The following ZC2HC1A variants were observed in gnomAD, a reference collection of about 807,000 sequenced individuals.
ZC2HC1A encodes the protein zinc finger C2HC-type containing 1A, also known as zinc finger C2HC domain-containing protein 1A.
Under a neutral mutation model 40.7 loss-of-function variants are expected in ZC2HC1A, and 28 were observed. That is an observed-to-expected ratio of 0.69 (90% CI 0.51 to 0.94). ZC2HC1A has a LOEUF of 0.94. Ranked by LOEUF, ZC2HC1A falls within the 40% of genes least tolerant of loss-of-function variation. The pLI is 0.00. For synonymous variants in ZC2HC1A, 129 were observed against 129.2 expected (o/e 1.00, Z 0.01); for missense variants, 389 against 386.3 (o/e 1.01, Z -0.06).
intron 7 of ZC2HC1A, among the ~76,000 whole-genome samples, chr8:78,701,891 T>C (rs1406329616): frequency 6.6e-6 from 1 of 151,910 alleles, no homozygotes; most frequent in Non-Finnish European, 1.5e-5. Context: ...TTTGATTTGC[T>C]AGTATTTTGT....
In ZC2HC1A at chr8:78,715,256, G is replaced by A; in HGVS notation, c.740G>A (p.Ser247Asn). 1.2e-6 allele frequency: 2 copies of A among 1,613,796 alleles called. No individual in the cohort carries two copies. Among genetic ancestry groups the A allele is most frequent in the Non-Finnish European group, 1.7e-6 (2 of 1,179,884 alleles). Reference sequence around the variant, plus strand: ...AAACCCCGAAATTCCACACCACCTAGTTTGGCAAGAAATCCTGCCCCAGGT... The same window carrying A: ...AAACCCCGAAATTCCACACCACCTAATTTGGCAAGAAATCCTGCCCCAGGT... Reference protein sequence around the residue: ...NVKPRNSTPPSLARNPAPGVL... With the variant: ...NVKPRNSTPPNLARNPAPGVL... The change falls in exon 8 of 9, where the codon AGT becomes AAT. Residue 247 changes from serine (S) to asparagine (N), a missense_variant. Coordinates refer to ENST00000263849, the MANE Select transcript of ZC2HC1A (RefSeq NM_016010.3).
At chr8:78,687,516 T>C (rs1446916269) in intron 4 of ZC2HC1A, among the ~76,000 whole-genome samples, 1 of 144,100 alleles carries the variant, frequency 6.9e-6, no homozygotes, top group Non-Finnish European at 1.5e-5. Flanking sequence ...TTATATATAT[T>C]TATATAATAA....
chr8:78,666,185 G>A lies in ZC2HC1A; in HGVS notation c.16+21G>A, dbSNP rs751775879. 3 of 1,572,516 alleles carry A rather than the reference G, an allele frequency of 1.9e-6. No individual in the cohort carries two copies. In the East Asian group the frequency reaches 6.9e-5, roughly 36 times the overall value. The stretch of plus-strand genomic sequence containing the variant: ...GGAAGGTGAGGCGATGAAGGGATGA[G>A]GGCAGGACGGCTAGAGCGGGCCCGA... On this transcript the variant is annotated intron_variant, in intron 1 of 8. Coordinates refer to ENST00000263849, the MANE Select transcript of ZC2HC1A (RefSeq NM_016010.3).
chr8:78,667,504 C>T (rs899012201), intron 1 of ZC2HC1A, among the ~76,000 whole-genome samples: 5 of 151,958 alleles, frequency 3.3e-5, no homozygotes, highest in African/African-American at 1.2e-4. Context: ...TACATATTAT[C>T]TATAAAGTGT....
At chr8:78,675,760 T>G in intron 1 of ZC2HC1A, 27 bp from the exon 2 acceptor site, 1 of 1,549,872 alleles carries the variant, frequency 6.5e-7, no homozygotes, top group Non-Finnish European at 8.8e-7. Context: ...TTATATAAAT[T>G]ATTTATTAAA....
intron 2 of ZC2HC1A, 94 bp downstream of exon 2, chr8:78,675,957 A>G: frequency 9.1e-7 from 1 of 1,101,734 alleles, no homozygotes. Context: ...TACGTGGAAT[A>G]GTTTTTGAAG....
intron 1 of ZC2HC1A, among the ~76,000 whole-genome samples, chr8:78,670,077 C>T (rs1809401350): frequency 6.6e-6 from 1 of 151,082 alleles, no homozygotes; most frequent in African/African-American, 2.4e-5. Flanking sequence ...AAGCGATTCT[C>T]CTCCCTCAGC....
intron 1 of ZC2HC1A, among the ~76,000 whole-genome samples, chr8:78,669,552 T>C (rs916852074): frequency 2.0e-5 from 3 of 152,170 alleles, no homozygotes; most frequent in Admixed American, 6.5e-5. Flanking sequence ...TGAAAGAGAT[T>C]TGTCAGCAGT....
chr8:78,670,321 G>A (rs1322553150), intron 1 of ZC2HC1A, among the ~76,000 whole-genome samples: 2 of 152,144 alleles, frequency 1.3e-5, no homozygotes, highest in African/African-American at 4.8e-5. Flanking sequence ...CTGCAGTTCA[G>A]ACAGTGAGTG....
At chr8:78,666,316 A>G (rs1288409934) in intron 1 of ZC2HC1A, 152 bp downstream of exon 1, 104 of 1,310,874 alleles carry the variant, frequency 7.9e-5, no homozygotes, top group Non-Finnish European at 1.1e-4. Flanking sequence ...GCCGAAGGGA[A>G]CCGGACAGTC....
chr8:78,697,467 C>G lies in ZC2HC1A; in HGVS notation c.565C>G (p.Arg189Gly), dbSNP rs1810462139. ...TGGAACTGCATCATCAGGATCTTCACGATTACCGCAGCCAAGTGGCGCTGG... is the reference window on the plus strand; with the variant it reads ...TGGAACTGCATCATCAGGATCTTCAGGATTACCGCAGCCAAGTGGCGCTGG... Reference protein sequence around the residue: ...SPGTASSGSSRLPQPSGAGKT... With the variant: ...SPGTASSGSSGLPQPSGAGKT... The change falls in exon 6 of 9, where the codon CGA becomes GGA. Residue 189 changes from arginine to glycine, a missense_variant. By Grantham distance (125) the Arg-to-Gly change is moderately radical. Coordinates refer to ENST00000263849, the MANE Select transcript of ZC2HC1A (RefSeq NM_016010.3). The G allele has an allele frequency of 6.2e-7, 1 of 1,610,230 alleles. No individual in the cohort carries two copies. Among genetic ancestry groups the G allele is most frequent in the Non-Finnish European group, 8.5e-7 (1 of 1,179,108 alleles).
intron 7 of ZC2HC1A, among the ~76,000 whole-genome samples, chr8:78,708,672 C>CTTTTTTTTTTTTTTT (rs66697724): frequency 7.0e-6 from 1 of 142,574 alleles, no homozygotes; most frequent in African/African-American, 2.6e-5. Context: ...AGATGATTAT[C>CTTTTTTTTTTTTTTT]TTTTTTTTTT....
intron 1 of ZC2HC1A, among the ~76,000 whole-genome samples, chr8:78,672,394 A>G (rs866612783): frequency 1.4e-4 from 22 of 152,260 alleles, no homozygotes; most frequent in African/African-American, 5.1e-4. Flanking sequence ...TAAAATAACA[A>G]TTCAAATAAT....
At chr8:78,676,983 A>G (rs1209707755) in intron 2 of ZC2HC1A, among the ~76,000 whole-genome samples, 1 of 152,078 alleles carries the variant, frequency 6.6e-6, no homozygotes, top group African/African-American at 2.4e-5. Flanking sequence ...GTCATCTGCT[A>G]TCCTCATTTT....
At chr8:78,711,081 C>T (rs1188667796) in intron 7 of ZC2HC1A, among the ~76,000 whole-genome samples, 2 of 152,032 alleles carry the variant, frequency 1.3e-5, no homozygotes, top group Non-Finnish European at 2.9e-5. Flanking sequence ...AATAGATGCT[C>T]AGGGTTTATA....
At position 78,686,522 on chromosome 8, in the gene ZC2HC1A, C is replaced by G; in HGVS notation, c.266C>G (p.Ala89Gly). ...NWRRKHEEFI[A>G]TIRAAKGLDQ... ...AGAAGGAAACATGAAGAATTCATTG[C>G]TACCATAAGAGCAGCTAAAGGCCTT... Residue 89 changes from alanine to glycine, a missense_variant, in exon 4 of 9, where the codon GCT (alanine) becomes GGT (glycine). By Grantham distance (60) the Ala-to-Gly change is moderately conservative (BLOSUM62 0). Transcript: ENST00000263849. 1.3e-6 allele frequency: 2 copies of G among 1,550,830 alleles called. No homozygotes were observed. Among genetic ancestry groups the G allele is most frequent in the Non-Finnish European group, 1.7e-6 (2 of 1,147,716 alleles).
At chr8:78,706,816 A>G (rs1398315297) in intron 7 of ZC2HC1A, among the ~76,000 whole-genome samples, 1 of 152,122 alleles carries the variant, frequency 6.6e-6, no homozygotes, top group African/African-American at 2.4e-5. Flanking sequence ...TTTGCTTCTC[A>G]ATTCAGACTA....
Position 78,718,092 on chromosome 8 carries a change from C to G in ZC2HC1A, c.*599C>G, listed in dbSNP as rs951970344. The G allele has an allele frequency of 6.6e-6, 1 of 151,954 alleles. No individual in the cohort carries two copies. The highest frequency in any genetic ancestry group is 2.4e-5 in the African/African-American group (1 of 41,418). The allele number at this position is 151,954 out of a possible 1,614,324, so 9.4% of individuals were successfully genotyped here. Reference sequence around the variant, plus strand: ...TTAGTTACGTAATTTAAACATCTTACTTGTTTTGTAAAAGTGTAATTATGC... The same window carrying G: ...TTAGTTACGTAATTTAAACATCTTAGTTGTTTTGTAAAAGTGTAATTATGC... On this transcript the variant is annotated 3_prime_UTR_variant, in exon 9 of 9. Transcript: ENST00000263849.
chr8:78,698,294 A>G (rs982924464), intron 6 of ZC2HC1A, 120 bp from the exon 7 acceptor site: 12 of 790,802 alleles, frequency 1.5e-5, no homozygotes, highest in Admixed American at 3.1e-5. Flanking sequence ...AATGTCTTCA[A>G]TGAAAACTTG....
Sources: gnomAD v4.1 joint callset for allele counts (sites outside exome capture counted in the v4.1 genomes callset) on GRCh38, gnomAD v4.1.1 for gene constraint, MANE v1.5 for transcripts, NCBI Gene and HGNC (gene_info 2026-07-23, HGNC 2026-07-21) for gene names.